Variants in AK5 observed in about 807,000 individuals in gnomAD.
AK5 encodes the protein adenylate kinase isoenzyme 5.
Under a neutral mutation model 69.5 loss-of-function variants are expected in AK5, and 27 were observed. The ratio of observed to expected loss-of-function variants is 0.39; its 90% CI spans 0.29 to 0.54. AK5 has a LOEUF of 0.54. AK5 is among the 20% of genes least tolerant of loss of function. AK5 has a pLI of 0.71. For missense variants in AK5, 531 were observed against 700.4 expected (o/e 0.76, Z 2.73); for synonymous variants, 260 against 244.4 (o/e 1.06, Z -0.60).
At chr1:77,414,749 A>G (rs1242351949) in intron 7 of AK5, among the ~76,000 whole-genome samples, 2 of 152,036 alleles carry the variant, frequency 1.3e-5, no homozygotes, top group East Asian at 3.9e-4. Context: ...TAACATCCTA[A>G]TTTTTCTGTC....
chr1:77,406,830 G>C (rs1027672831), intron 6 of AK5, among the ~76,000 whole-genome samples: 2 of 152,028 alleles, frequency 1.3e-5, no homozygotes, highest in Admixed American at 1.3e-4. Context: ...ATGGGGAGAG[G>C]CTTTGCTCAA....
chr1:77,376,049 A>T (rs569282275), intron 6 of AK5, among the ~76,000 whole-genome samples: 118 of 152,336 alleles, frequency 7.7e-4, no homozygotes, highest in African/African-American at 2.7e-3. Flanking sequence ...TGATATTTTT[A>T]AAATGTTTAA....
intron 8 of AK5, among the ~76,000 whole-genome samples, chr1:77,442,544 G>A (rs72932451): frequency 0.035 from 5,325 of 152,228 alleles, 129 homozygotes; most frequent in Middle Eastern, 0.078. Context: ...CCTAGCTGGG[G>A]GATAGGGTGG....
intron 10 of AK5, among the ~76,000 whole-genome samples, chr1:77,497,004 C>G (rs996368192): frequency 6.6e-6 from 1 of 152,238 alleles, no homozygotes; most frequent in Non-Finnish European, 1.5e-5. Flanking sequence ...GCAGCAGCAA[C>G]CCACTGGGGT....
intron 5 of AK5, among the ~76,000 whole-genome samples, chr1:77,304,329 G>T (rs541053721): frequency 4.0e-5 from 6 of 151,608 alleles, no homozygotes; most frequent in African/African-American, 7.3e-5. Context: ...CATCCATGTT[G>T]TTGCGTATGA....
chr1:77,352,996 T>C (rs1662292025), intron 6 of AK5, among the ~76,000 whole-genome samples: 1 of 152,180 alleles, frequency 6.6e-6, no homozygotes, highest in African/African-American at 2.4e-5. Context: ...CTTTATCTTC[T>C]CAGAGATTCT....
intron 8 of AK5, among the ~76,000 whole-genome samples, chr1:77,475,747 G>A (rs1392504196): frequency 6.6e-6 from 1 of 151,612 alleles, no homozygotes; most frequent in African/African-American, 2.4e-5. Context: ...GGCAAGACTA[G>A]TCAGATGTGA....
chr1:77,444,407 CTATAT>C lies in AK5; in HGVS notation c.1059+26693_1059+26697del, dbSNP rs1557598564. Among the ~76,000 whole-genome samples the C allele has an allele frequency of 8.7e-4, 55 of 63,052 alleles. 8 individuals are homozygous for C. The highest frequency in any genetic ancestry group is 3.5e-3 in the African/African-American group (54 of 15,218). The allele number at this position is 63,052 out of a possible 152,430, so 41.4% of individuals were successfully genotyped here. A position where few individuals can be genotyped will look rare whatever the true frequency, so the allele number is the denominator to read the frequency against. Reference sequence around the variant, plus strand: ...ATAGTATATATAGTATAAATATATACTATATATAGTATATACATAGTATAAATATA... The same window carrying C: ...ATAGTATATATAGTATAAATATATACATAGTATATACATAGTATAAATATA... On this transcript the variant is annotated intron_variant, in intron 8 of 13. Coordinates refer to ENST00000354567, the MANE Select transcript of AK5 (RefSeq NM_174858.3).
intron 6 of AK5, among the ~76,000 whole-genome samples, chr1:77,384,553 G>T (rs1553142990): frequency 6.6e-6 from 1 of 152,160 alleles, no homozygotes; most frequent in Non-Finnish European, 1.5e-5. Flanking sequence ...AGATCAGAGA[G>T]ATTCAAGTCT....
intron 6 of AK5, among the ~76,000 whole-genome samples, chr1:77,393,713 A>G (rs927210777): frequency 3.9e-5 from 6 of 152,140 alleles, no homozygotes; most frequent in Admixed American, 3.3e-4. Context: ...TACCCACATG[A>G]CACTATTTTC....
chr1:77,321,019 G>A (rs1319023690), intron 5 of AK5, among the ~76,000 whole-genome samples: 1 of 152,142 alleles, frequency 6.6e-6, no homozygotes, highest in Non-Finnish European at 1.5e-5. Context: ...TCTTCTCTCA[G>A]TATTTAATAT....
At chr1:77,283,441 G>T in intron 1 of AK5, 1 of 985,352 alleles carries the variant, frequency 1.0e-6, no homozygotes, top group South Asian at 4.7e-5. Context: ...TTTTCCCCCC[G>T]GTTTGGGGGA....
At chr1:77,445,299 T>G (rs1024386604) in intron 8 of AK5, among the ~76,000 whole-genome samples, 1 of 152,220 alleles carries the variant, frequency 6.6e-6, no homozygotes, top group Non-Finnish European at 1.5e-5. Flanking sequence ...ACACTTGTTA[T>G]GTTGTCTGAT....
At chr1:77,367,303 A>G (rs1250127405) in intron 6 of AK5, among the ~76,000 whole-genome samples, 1 of 151,404 alleles carries the variant, frequency 6.6e-6, no homozygotes, top group Non-Finnish European at 1.5e-5. Flanking sequence ...AAGTCTAAAC[A>G]TGAAATTTAT....
At chr1:77,454,641 CA>C (rs1197004472) in intron 8 of AK5, among the ~76,000 whole-genome samples, 6 of 152,072 alleles carry the variant, frequency 3.9e-5, no homozygotes, top group African/African-American at 1.4e-4. Flanking sequence ...TGTTTATCAC[CA>C]AAACAAATCA....
At chr1:77,518,768 C>G (rs6700681) in intron 11 of AK5, 41 bp downstream of exon 11, 1 of 1,592,000 alleles carries the variant, frequency 6.3e-7, no homozygotes, top group Admixed American at 1.8e-5. Context: ...CCTTTCCTGT[C>G]TGGGGAGACC....
rs530913336 is a variant in AK5 at position 77,359,729 on chromosome 1, C to T, written c.891+19161C>T. Among the ~76,000 whole-genome samples the T allele has an allele frequency of 2.6e-5, 4 of 152,236 alleles. No homozygotes were observed. In the South Asian group the frequency reaches 8.3e-4, roughly 32 times the overall value. On this transcript the variant is annotated intron_variant, in intron 6 of 13. Coordinates refer to ENST00000354567, the MANE Select transcript of AK5 (RefSeq NM_174858.3). ...AAAGTGCATGCATAACTTATTCGAA[C>T]TTTTTATAAATCCTCTCCCTATGTA...
chr1:77,415,101 CA>C (rs986259682), intron 7 of AK5, among the ~76,000 whole-genome samples: 1 of 149,722 alleles, frequency 6.7e-6, no homozygotes, highest in African/African-American at 2.5e-5. Flanking sequence ...GAGACTCTGT[CA>C]AAAAAAAACA....
At chr1:77,381,831 T>C (rs11809786) in intron 6 of AK5, among the ~76,000 whole-genome samples, 24,249 of 152,176 alleles carry the variant, frequency 0.16, 2,183 homozygotes, top group Middle Eastern at 0.28. Context: ...AACATCTTAC[T>C]AGGTGAAATA....
Sources: gnomAD v4.1 joint callset for allele counts (sites outside exome capture counted in the v4.1 genomes callset) on GRCh38, gnomAD v4.1.1 for gene constraint, MANE v1.5 for transcripts, NCBI Gene and HGNC (gene_info 2026-07-23, HGNC 2026-07-21) for gene names.